Variants in CD53 observed in about 807,000 individuals in gnomAD.
CD53 encodes leukocyte surface antigen CD53.
CD53 carries 20 observed loss-of-function variants against 27.3 expected under a neutral mutation model. The ratio of observed to expected loss-of-function variants is 0.73; its 90% CI spans 0.52 to 1.07. The LOEUF is 1.07. Ranked by LOEUF, CD53 falls within the 50% of genes least tolerant of loss-of-function variation. CD53 has a pLI of 0.00. For missense variants in CD53, 216 were observed against 264.0 expected (o/e 0.82, Z 1.26); for synonymous variants, 106 against 105.3 (o/e 1.01, Z -0.04).
intron 1 of CD53, among the ~76,000 whole-genome samples, chr1:110,890,052 A>G (rs1458259251): frequency 2.0e-5 from 3 of 152,194 alleles, no homozygotes; most frequent in African/African-American, 7.2e-5. Context: ...CATCAGGCTT[A>G]TCTACAGCCT....
intron 5 of CD53, 147 bp from the exon 6 acceptor site, chr1:110,896,506 T>A (rs1292878984): frequency 2.9e-6 from 2 of 678,520 alleles, no homozygotes; most frequent in African/African-American, 3.6e-5. Context: ...GAAAGCACTT[T>A]GTTTTAAGGA....
At chr1:110,873,550 C>A (rs1656024781) in intron 1 of CD53, among the ~76,000 whole-genome samples, 1 of 152,164 alleles carries the variant, frequency 6.6e-6, no homozygotes, top group African/African-American at 2.4e-5. Flanking sequence ...ATGCCTGGAG[C>A]TTTCTATGCG....
intron 3 of CD53, 153 bp downstream of exon 3, chr1:110,892,686 A>G: frequency 1.5e-6 from 1 of 672,256 alleles, no homozygotes; most frequent in Non-Finnish European, 2.6e-6. Flanking sequence ...CCAGACCAAT[A>G]GTATATTATG....
chr1:110,887,221 G>A (rs1014582787), intron 1 of CD53, among the ~76,000 whole-genome samples: 13 of 151,868 alleles, frequency 8.6e-5, no homozygotes, highest in Admixed American at 5.9e-4. Context: ...CCACCACCAC[G>A]CCTGGCTAAT....
chr1:110,885,495 G>A (rs1290074102), intron 1 of CD53, among the ~76,000 whole-genome samples: 12 of 147,008 alleles, frequency 8.2e-5, no homozygotes, highest in Middle Eastern at 4.0e-3. Context: ...CCGAGATCGC[G>A]CCACTGCACT....
intron 1 of CD53, among the ~76,000 whole-genome samples, chr1:110,888,697 C>T (rs762965325): frequency 1.4e-4 from 22 of 152,086 alleles, no homozygotes; most frequent in Non-Finnish European, 2.8e-4. Context: ...TCAATATGTA[C>T]AAAATACTAT....
chr1:110,871,850 A>ACACAC (rs1427212061), upstream of CD53, among the ~76,000 whole-genome samples: 1 of 100,962 alleles, frequency 9.9e-6, no homozygotes, highest in Non-Finnish European at 2.2e-5. Flanking sequence ...CACACACACC[A>ACACAC]CACAGTTCCA....
intron 5 of CD53, 23 bp from the exon 6 acceptor site, chr1:110,896,630 C>G: frequency 6.2e-7 from 1 of 1,608,186 alleles, no homozygotes; most frequent in Non-Finnish European, 8.5e-7. Context: ...TAACCATCAT[C>G]ATTTTGGGGG....
intron 1 of CD53, among the ~76,000 whole-genome samples, chr1:110,889,711 TAGGAAGAA>T (rs1434551382): frequency 1.3e-5 from 2 of 152,130 alleles, no homozygotes; most frequent in Non-Finnish European, 2.9e-5. Context: ...CCGTTTTACA[TAGGAAGAA>T]ATTGTGACTG....
intron 1 of CD53, among the ~76,000 whole-genome samples, chr1:110,888,828 G>A (rs1229352561): frequency 6.6e-6 from 1 of 152,174 alleles, no homozygotes; most frequent in Non-Finnish European, 1.5e-5. Context: ...GCTCAAAGCT[G>A]TAGCACAGCT....
intron 1 of CD53, among the ~76,000 whole-genome samples, chr1:110,888,324 A>G (rs922752093): frequency 6.6e-6 from 1 of 152,166 alleles, no homozygotes; most frequent in Non-Finnish European, 1.5e-5. Context: ...TCTTTTGTAC[A>G]TTGCGGTGTC....
chr1:110,885,920 T>C (rs1656572450), intron 1 of CD53, among the ~76,000 whole-genome samples: 1 of 152,080 alleles, frequency 6.6e-6, no homozygotes, highest in Non-Finnish European at 1.5e-5. Flanking sequence ...AAAAAAGTAT[T>C]GCGCATTTAT....
chr1:110,878,458 G>A (rs1656213486), intron 1 of CD53, among the ~76,000 whole-genome samples: 1 of 152,214 alleles, frequency 6.6e-6, no homozygotes. Context: ...GAAGTGTCTG[G>A]AAAGACGTTT....
At position 110,896,679 on chromosome 1, in the gene CD53, G is replaced by T. The variant is rs762351480; in HGVS notation, c.450G>T (p.Thr150=). ...TGCAGTGTTGTGGTATAAATGGCACGAGTGATTGGACCAGTGGCCCACCAG... is the reference window on the plus strand; with the variant it reads ...TGCAGTGTTGTGGTATAAATGGCACTAGTGATTGGACCAGTGGCCCACCAG... The part of the protein sequence containing the change: ...SFLQCCGING[T]SDWTSGPPAS... The change falls in exon 6 of 8, where the codon ACG becomes ACT. Residue 150 remains threonine (T), a synonymous_variant. Transcript: ENST00000271324. The T allele has an allele frequency of 6.2e-7, 1 of 1,613,564 alleles. No homozygotes were observed. The highest frequency in any genetic ancestry group is 8.5e-7 in the Non-Finnish European group (1 of 1,179,810).
chr1:110,892,481 C>T lies in CD53; in HGVS notation c.200C>T (p.Ala67Val), dbSNP rs763823710. The T allele has an allele frequency of 6.2e-7, 1 of 1,614,116 alleles. No individual in the cohort carries two copies. The highest frequency in any genetic ancestry group is 8.5e-7 in the Non-Finnish European group (1 of 1,179,990). The change falls in exon 3 of 8, where the codon GCC (alanine) becomes GTC (valine). Residue 67 changes from alanine to valine, a missense_variant. Physicochemically the swap from Ala to Val is moderately conservative, Grantham distance 64 (BLOSUM62 0). Coordinates refer to ENST00000271324, the MANE Select transcript of CD53 (RefSeq NM_000560.4). ...GTGGGCTCTATTATCATGGTAGTTGCCTTCCTGGGCTGCATGGGCTCTATC... is the reference window on the plus strand; with the variant it reads ...GTGGGCTCTATTATCATGGTAGTTGTCTTCCTGGGCTGCATGGGCTCTATC... ...VIVGSIIMVVAFLGCMGSIKE... is the reference protein window; with the variant it reads ...VIVGSIIMVVVFLGCMGSIKE...
intron 3 of CD53, among the ~76,000 whole-genome samples, chr1:110,893,672 G>C (rs910376792): frequency 1.3e-5 from 2 of 152,230 alleles, no homozygotes; most frequent in African/African-American, 2.4e-5. Flanking sequence ...TTTTTAAAAA[G>C]TCCCTCTTCT....
At chr1:110,871,798 G>C (rs953110762), upstream of CD53, among the ~76,000 whole-genome samples, 1 of 125,598 alleles carries the variant, frequency 8.0e-6, no homozygotes, top group Middle Eastern at 3.9e-3. Flanking sequence ...CTGAAAAATT[G>C]TTCCCCAAGA....
At chr1:110,887,760 C>T (rs1656685853) in intron 1 of CD53, among the ~76,000 whole-genome samples, 1 of 152,172 alleles carries the variant, frequency 6.6e-6, no homozygotes, top group South Asian at 2.1e-4. Flanking sequence ...GTGTGAATGC[C>T]AGGCACTGCT....
chr1:110,891,464 T>C lies in CD53; in HGVS notation c.56T>C (p.Leu19Pro), dbSNP rs1656850017. The change falls in exon 2 of 8, where the codon CTC (leucine) becomes CCC (proline). Residue 19 changes from leucine to proline, a missense_variant. Physicochemically the swap from Leu to Pro is moderately conservative, Grantham distance 98. Transcript: ENST00000271324. ...LKYVLFFFNL[L>P]FWICGCCILG... ...TATGTCCTGTTTTTCTTCAACTTGC[T>C]CTTTTGGGTAAGTGTATCTCTTCTG... is the stretch of plus-strand genomic sequence containing the variant. The C allele has an allele frequency of 6.2e-7, 1 of 1,611,992 alleles. No individual in the cohort carries two copies. Among genetic ancestry groups the C allele is most frequent in the Admixed American group, 1.7e-5 (1 of 60,008 alleles).
Sources: allele counts gnomAD v4.1 joint callset (sites outside exome capture counted in the v4.1 genomes callset), GRCh38; gene constraint gnomAD v4.1.1; transcripts MANE v1.5; gene names NCBI Gene and HGNC (gene_info 2026-07-23, HGNC 2026-07-21).